The following LYRM4 variants were observed in gnomAD, a reference collection of about 807,000 sequenced individuals.
LYRM4 encodes the protein LYR motif containing 4, also known as LYR motif-containing protein 4.
Under a neutral mutation model 11.7 loss-of-function variants are expected in LYRM4, and 9 were observed. That is an observed-to-expected ratio of 0.77 (90% confidence interval 0.46 to 1.34). The LOEUF (loss-of-function observed/expected upper bound fraction) is 1.34, where lower values mean the gene tolerates loss of function less well. Ranked by LOEUF, LYRM4 falls within the 40% of genes most tolerant of loss-of-function variation. The pLI is 0.00. For synonymous variants in LYRM4, 42 were observed against 40.4 expected (o/e 1.04, Z -0.15); for missense variants, 133 against 112.5 (o/e 1.18, Z -0.82).
chr6:5,067,614 G>A, the LYRM4 span, among the ~76,000 whole-genome samples: 1 of 152,194 alleles, frequency 6.6e-6, no homozygotes, highest in Non-Finnish European at 1.5e-5. Flanking sequence ...TTGGTTACAT[G>A]GGCTATGGGA....
At chr6:5,087,020 A>C in the LYRM4 span, 1 of 160,386 alleles carries the variant, frequency 6.2e-6, no homozygotes, top group Admixed American at 6.1e-5. Context: ...GGTGCACCAG[A>C]GGAAGGTGCC....
At chr6:5,129,153 T>C (rs1763828765) in intron 2 of LYRM4, among the ~76,000 whole-genome samples, 1 of 152,156 alleles carries the variant, frequency 6.6e-6, no homozygotes, top group Non-Finnish European at 1.5e-5. Context: ...GTCTACCTGC[T>C]CCCGCACTCA....
chr6:5,133,811 TTC>T (rs1764065393), intron 2 of LYRM4, among the ~76,000 whole-genome samples: 2 of 152,190 alleles, frequency 1.3e-5, no homozygotes, highest in Admixed American at 6.5e-5. Flanking sequence ...CTAATCTATG[TTC>T]TGTTTCTATG....
At chr6:5,160,908 GA>G (rs977951834) in intron 2 of LYRM4, among the ~76,000 whole-genome samples, 25 of 152,090 alleles carry the variant, frequency 1.6e-4, no homozygotes, top group Admixed American at 3.3e-4. Flanking sequence ...ATTTAGACCA[GA>G]AAAATGGCAT....
At chr6:5,254,047 T>C (rs1764557804) in intron 1 of LYRM4, among the ~76,000 whole-genome samples, 1 of 152,224 alleles carries the variant, frequency 6.6e-6, no homozygotes, top group Non-Finnish European at 1.5e-5. Flanking sequence ...TTTGGTTGTC[T>C]GCTCCACTAG....
downstream of LYRM4, among the ~76,000 whole-genome samples, chr6:5,099,438 C>A (rs3930692): frequency 2.6e-3 from 250 of 94,900 alleles, 1 homozygote; most frequent in African/African-American, 9.4e-3. The surrounding 1 kb of genome is among the most constrained non-coding windows in gnomAD (Gnocchi z 4.3). Context: ...TATTTTATAG[C>A]GATGAGGCCT....
chr6:5,154,773 C>G (rs1053175170), intron 2 of LYRM4, among the ~76,000 whole-genome samples: 1 of 152,016 alleles, frequency 6.6e-6, no homozygotes, highest in Non-Finnish European at 1.5e-5. Flanking sequence ...GAGCCGGGAT[C>G]GCGCCACTGC....
chr6:5,119,515 G>A (rs1041985161), intron 2 of LYRM4, among the ~76,000 whole-genome samples: 1 of 152,006 alleles, frequency 6.6e-6, no homozygotes, highest in Non-Finnish European at 1.5e-5. Flanking sequence ...GGCTGGGTGT[G>A]GTGTCTCACA....
chr6:5,248,496 T>C (rs1450648908), intron 1 of LYRM4, among the ~76,000 whole-genome samples: 1 of 152,254 alleles, frequency 6.6e-6, no homozygotes, highest in African/African-American at 2.4e-5. Flanking sequence ...CTCTCTGTGA[T>C]TAGTAGTCCC....
chr6:5,084,399 G>C, the LYRM4 span, among the ~76,000 whole-genome samples: 1 of 152,142 alleles, frequency 6.6e-6, no homozygotes, highest in Non-Finnish European at 1.5e-5. Flanking sequence ...ACTCCCGGTG[G>C]GCGGGGAGGG....
intron 1 of LYRM4, among the ~76,000 whole-genome samples, chr6:5,260,295 T>C (rs1764955446): frequency 6.6e-6 from 1 of 152,246 alleles, no homozygotes; most frequent in Non-Finnish European, 1.5e-5. Flanking sequence ...GTTTTACATA[T>C]GCAACACACT....
At chr6:5,127,525 G>A (rs1425992463) in intron 2 of LYRM4, among the ~76,000 whole-genome samples, 1 of 152,182 alleles carries the variant, frequency 6.6e-6, no homozygotes, top group African/African-American at 2.4e-5. Flanking sequence ...CATTGGACAT[G>A]TGGCTGTTTA....
chr6:5,178,798 C>T (rs1350631432), intron 2 of LYRM4, among the ~76,000 whole-genome samples: 2 of 81,050 alleles, frequency 2.5e-5, no homozygotes, highest in East Asian at 8.1e-4. Context: ...GAGTGAGACT[C>T]TGTCTCAAAA....
chr6:5,091,166 T>A, the LYRM4 span, among the ~76,000 whole-genome samples: 1 of 152,170 alleles, frequency 6.6e-6, no homozygotes, highest in Non-Finnish European at 1.5e-5. Context: ...CAGGACCCGA[T>A]GGACTCCTGG....
At chr6:5,237,942 C>T (rs1040150345) in intron 1 of LYRM4, among the ~76,000 whole-genome samples, 1 of 152,126 alleles carries the variant, frequency 6.6e-6, no homozygotes, top group African/African-American at 2.4e-5. Flanking sequence ...AAAGTGGCTG[C>T]TTCGGTATCA....
the LYRM4 span, among the ~76,000 whole-genome samples, chr6:5,060,135 T>C: frequency 6.8e-3 from 1,031 of 152,390 alleles, 9 homozygotes; most frequent in Non-Finnish European, 0.01. Context: ...CTAACAGTGC[T>C]TCAGTGAAAT....
intron 2 of LYRM4, among the ~76,000 whole-genome samples, chr6:5,179,065 CAAAAA>C (rs58749743): frequency 4.8e-5 from 5 of 103,920 alleles, no homozygotes; most frequent in South Asian, 2.9e-4. Context: ...ACCAAAAAAA[CAAAAA>C]AAAAAAAAAA....
chr6:5,170,945 C>T (rs1366497198), intron 2 of LYRM4, among the ~76,000 whole-genome samples: 1 of 152,072 alleles, frequency 6.6e-6, no homozygotes, highest in Admixed American at 6.6e-5. Flanking sequence ...GTTGAGTGTA[C>T]CCTATGTGTC....
At chr6:5,218,438 T>C in intron 1 of LYRM4, 1 of 955,320 alleles carries the variant, frequency 1.0e-6, no homozygotes, top group East Asian at 1.1e-4. Flanking sequence ...TCAGATAAAG[T>C]TTTTTAAAGT....
Sources: gnomAD v4.1 joint callset for allele counts (sites outside exome capture counted in the v4.1 genomes callset) on GRCh38, gnomAD v4.1.1 for gene constraint, Gnocchi (gnomAD v3.1) non-coding constraint, MANE v1.5 for transcripts, NCBI Gene and HGNC (gene_info 2026-07-23, HGNC 2026-07-21) for gene names.